Variants in JAK2 observed in about 807,000 individuals in gnomAD.
JAK2 encodes Janus kinase 2.
A neutral mutation model predicts 139.3 loss-of-function variants in JAK2; 86 were observed. That is an observed-to-expected ratio of 0.62 (90% confidence interval 0.52 to 0.74). JAK2 has a LOEUF of 0.74. JAK2 is among the 30% of genes least tolerant of loss of function. The probability of loss-of-function intolerance (pLI) is 0.00; values close to 1 mark genes in which losing one functional copy is unlikely to be tolerated. For missense variants in JAK2, 1,421 were observed against 1,360.3 expected, an observed-to-expected ratio of 1.04 and a Z score of -0.70; for synonymous variants, 490 against 437.7, an observed-to-expected ratio of 1.12 and a Z score of -1.49.
chr9:5,039,879 C>T (rs1276961930), intron 4 of JAK2, among the ~76,000 whole-genome samples: 1 of 152,056 alleles, frequency 6.6e-6, no homozygotes, highest in Non-Finnish European at 1.5e-5. Flanking sequence ...TTTAAGATGG[C>T]AATACTCCTT....
chr9:4,993,858 G>A (rs529274267), intron 2 of JAK2, among the ~76,000 whole-genome samples: 1 of 152,364 alleles, frequency 6.6e-6, no homozygotes, highest in Admixed American at 6.5e-5. Flanking sequence ...CCACGTCTGT[G>A]TGGGTTTTTC....
chr9:5,037,519 G>T (rs890312231), intron 4 of JAK2, among the ~76,000 whole-genome samples: 7 of 152,138 alleles, frequency 4.6e-5, no homozygotes, highest in African/African-American at 1.7e-4. Context: ...ATGGAATACT[G>T]TGCAGCCATG....
At chr9:5,029,112 A>G (rs947862525) in intron 3 of JAK2, among the ~76,000 whole-genome samples, 1 of 152,188 alleles carries the variant, frequency 6.6e-6, no homozygotes, top group African/African-American at 2.4e-5. Flanking sequence ...ATTTAAAGTG[A>G]GAGATATGAA....
chr9:5,090,921 T>C lies in JAK2; in HGVS notation c.3059+10T>C. On this transcript the variant is annotated intron_variant, in intron 22 of 24. Transcript: ENST00000381652. ...AAAGTCCCATATTCTGGTGAGTATA[T>C]TTCAGTATGATAAATGAAATTTTAG... The C allele has an allele frequency of 1.9e-6, 3 of 1,545,136 alleles. No individual in the cohort carries two copies. The highest frequency in any genetic ancestry group is 2.3e-5 in the East Asian group (1 of 43,712).
intron 4 of JAK2, among the ~76,000 whole-genome samples, chr9:5,039,176 GAAAT>G (rs1173045331): frequency 6.6e-6 from 1 of 152,002 alleles, no homozygotes; most frequent in African/African-American, 2.4e-5. Flanking sequence ...GCAAGAAAAA[GAAAT>G]AAAAGGCATT....
At position 5,054,688 on chromosome 9, in the gene JAK2, C is replaced by T. The variant is rs780152740; in HGVS notation, c.740C>T (p.Ala247Val). ...CAATTCAGCCAATGCAAAGCCACTG[C>T]CAGAAACTTGAAACTTAAGTATCTT... is the stretch of plus-strand genomic sequence containing the variant. ...IQQFSQCKAT[A>V]RNLKLKYLIN... The change falls in exon 7 of 25, where the codon GCC becomes GTC. Residue 247 changes from alanine (A) to valine (V), a missense_variant. By Grantham distance (64) the Ala-to-Val change is moderately conservative. Transcript: ENST00000381652. This position sits in a 1 kb window ranked among gnomAD's most constrained non-coding sequence, Gnocchi z 4.9. The T allele has an allele frequency of 2.5e-6, 4 of 1,613,304 alleles. No individual in the cohort carries two copies. In the South Asian group the frequency reaches 4.4e-5, roughly 18 times the overall value.
chr9:5,125,077 T>A (rs1234992087), intron 23 of JAK2, among the ~76,000 whole-genome samples: 1 of 151,258 alleles, frequency 6.6e-6, no homozygotes, highest in African/African-American at 2.4e-5. Flanking sequence ...CTCTTGGTCA[T>A]CATAGAATTT....
At chr9:5,088,654 A>AT in intron 19 of JAK2, among the ~76,000 whole-genome samples, 1 of 152,292 alleles carries the variant, frequency 6.6e-6, no homozygotes, top group East Asian at 1.9e-4. Flanking sequence ...TCAGACATTT[A>AT]TTTCTTTGAA....
intron 5 of JAK2, among the ~76,000 whole-genome samples, chr9:5,045,873 T>C (rs1816971076): frequency 6.6e-6 from 1 of 152,174 alleles, no homozygotes; most frequent in Non-Finnish European, 1.5e-5. Context: ...TTTCCTTGAG[T>C]CCCTGTTTTC....
intron 2 of JAK2, among the ~76,000 whole-genome samples, chr9:5,009,116 T>C (rs1374511335): frequency 1.3e-5 from 2 of 152,208 alleles, no homozygotes; most frequent in African/African-American, 4.8e-5. Flanking sequence ...GCATTTTCTA[T>C]AACAGCAACA....
rs923096991 is a variant in JAK2 at position 5,127,949 on chromosome 9, G to A, written c.*1158G>A. ...AGAATGCCAGTAGAAAATTCATAAC[G>A]TGTATCTTTAAGAAAAATGAGCATA... On this transcript the variant is annotated 3_prime_UTR_variant, in exon 25 of 25. Coordinates refer to ENST00000381652, the MANE Select transcript of JAK2 (RefSeq NM_004972.4). 6 of 231,984 alleles carry A rather than the reference G, an allele frequency of 2.6e-5. No individual in the cohort carries two copies. The highest frequency in any genetic ancestry group is 4.4e-5 in the African/African-American group (2 of 45,190). 14.4% of individuals were successfully genotyped at this position (231,984 alleles called of 1,614,324 possible). A position where few individuals can be genotyped will look rare whatever the true frequency, so the allele number is the denominator to read the frequency against.
In JAK2 at chr9:5,071,030, C is replaced by G. The variant is rs190048222; in HGVS notation, c.1641+978C>G. ...AAGCAGAGAAGAAAAGGAATATTGTCATTTTTAACTGCGCTTCTGGTGAGG... is the reference window on the plus strand; with the variant it reads ...AAGCAGAGAAGAAAAGGAATATTGTGATTTTTAACTGCGCTTCTGGTGAGG... On this transcript the variant is annotated intron_variant, in intron 12 of 24. Coordinates refer to ENST00000381652, the MANE Select transcript of JAK2 (RefSeq NM_004972.4). Among the ~76,000 whole-genome samples the G allele has an allele frequency of 4.4e-4, 67 of 152,244 alleles. 1 individual carries two copies. Among genetic ancestry groups the G allele is most frequent in the Admixed American group, 3.5e-3 (53 of 15,276 alleles).
In JAK2 at chr9:5,066,735, A is replaced by G. The variant is rs1818599227; in HGVS notation, c.1272A>G (p.Val424=). 1.2e-6 allele frequency: 2 copies of G among 1,606,916 alleles called. No homozygotes were observed. Among genetic ancestry groups the G allele is most frequent in the South Asian group, 1.1e-5 (1 of 90,140 alleles). ...KKAGNQTGLY[V]LRCSPKDFNK... ...CAGGTAATCAGACTGGACTGTATGTACTTCGATGCAGTCCTAAGGACTTTA... is the reference window on the plus strand; with the variant it reads ...CAGGTAATCAGACTGGACTGTATGTGCTTCGATGCAGTCCTAAGGACTTTA... Residue 424 remains valine (V), a synonymous_variant, in exon 10 of 25, where the codon GTA becomes GTG. Coordinates refer to ENST00000381652, the MANE Select transcript of JAK2 (RefSeq NM_004972.4).
chr9:4,995,516 C>A (rs1820510889), intron 2 of JAK2, among the ~76,000 whole-genome samples: 1 of 152,198 alleles, frequency 6.6e-6, no homozygotes, highest in Admixed American at 6.5e-5. Flanking sequence ...GATAATCCTT[C>A]TTTTCTCTGC....
chr9:5,048,285 G>C (rs935430123), intron 5 of JAK2, among the ~76,000 whole-genome samples: 10 of 152,050 alleles, frequency 6.6e-5, no homozygotes, highest in Admixed American at 3.9e-4. Flanking sequence ...GGGATTACAG[G>C]TGCCTGCCAC....
intron 22 of JAK2, among the ~76,000 whole-genome samples, chr9:5,106,888 G>GGGGC (rs1370636988): frequency 1.3e-5 from 2 of 152,050 alleles, no homozygotes; most frequent in Non-Finnish European, 2.9e-5. Context: ...ATCACACAAA[G>GGGGC]GGGCCCGGGG....
intron 6 of JAK2, among the ~76,000 whole-genome samples, chr9:5,051,438 C>T (rs1454750342): frequency 1.3e-5 from 2 of 151,950 alleles, no homozygotes; most frequent in East Asian, 3.9e-4. Context: ...CGTGGGGGAG[C>T]CTGTTAAAAT....
intron 19 of JAK2, among the ~76,000 whole-genome samples, chr9:5,088,737 G>T (rs1820320534): frequency 6.6e-6 from 1 of 152,188 alleles, no homozygotes; most frequent in South Asian, 2.1e-4. Flanking sequence ...TTCTTGGCTT[G>T]CAGATGGCCA....
At chr9:4,996,140 C>A (rs1346302623) in intron 2 of JAK2, among the ~76,000 whole-genome samples, 1 of 152,136 alleles carries the variant, frequency 6.6e-6, no homozygotes. Flanking sequence ...GACAGAATTA[C>A]AGGGAAGTCT....
Sources: gnomAD v4.1 joint callset for allele counts (sites outside exome capture counted in the v4.1 genomes callset) on GRCh38, gnomAD v4.1.1 for gene constraint, Gnocchi (gnomAD v3.1) non-coding constraint, MANE v1.5 for transcripts, NCBI Gene and HGNC (gene_info 2026-07-23, HGNC 2026-07-21) for gene names.